Variants in LHX5 observed in about 807,000 individuals in gnomAD.
LHX5 encodes the protein LIM homeobox 5.
A neutral mutation model predicts 30.6 loss-of-function variants in LHX5; 5 were observed. That is an observed-to-expected ratio of 0.16 (90% CI 0.09 to 0.34). LHX5 has a LOEUF of 0.34. Among genes scored for constraint, LHX5 ranks in the 10% least tolerant of loss-of-function variants. LHX5 has a pLI of 1.00. For synonymous variants in LHX5, 266 were observed against 252.6 expected, an observed-to-expected ratio of 1.05 and a Z score of -0.50; for missense variants, 458 against 570.6, an observed-to-expected ratio of 0.80 and a Z score of 2.01.
intron 1 of LHX5, 94 bp from the exon 2 acceptor site, chr12:113,469,439 G>C: frequency 1.8e-6 from 2 of 1,142,336 alleles, no homozygotes; most frequent in South Asian, 2.9e-5. Context: ...CTTCGGTGAA[G>C]TCCCCATTTC....
In LHX5 at chr12:113,462,366, G is replaced by GCAAT. The variant is rs936111554; in HGVS notation, c.*820_*823dup. 6 of 152,244 alleles carry GCAAT rather than the reference G, an allele frequency of 3.9e-5. No homozygotes were observed. Among genetic ancestry groups the GCAAT allele is most frequent in the African/African-American group, 1.4e-4 (6 of 41,460 alleles). 9.4% of individuals were successfully genotyped at this position (152,244 alleles called of 1,614,324 possible). On this transcript the variant is annotated 3_prime_UTR_variant, in exon 5 of 5. Coordinates refer to ENST00000261731, the MANE Select transcript of LHX5 (RefSeq NM_022363.3). ...AGGGTGGTCTGTGGGTCTGAGCCCA[G>GCAAT]CAATCCTGGCGCCCCACCCAGGGGG...
rs777616031 is a variant in LHX5, at chr12:113,468,295, G to A, written c.507C>T (p.Asn169=). 20 of 1,614,048 alleles carry A rather than the reference G, an allele frequency of 1.2e-5. No homozygotes were observed. The Admixed American group carries it at 1.3e-4, about 11-fold the overall frequency. ...TGCCCGAGTTCTGCTCCTCGTTCTC[G>A]TTGTTGGCCGTCTCCTTGTCCGACG... ...STSSDKETAN[N]ENEEQNSGTK... Residue 169 remains asparagine (N), a synonymous_variant, in exon 3 of 5, where the codon AAC becomes AAT. Transcript: ENST00000261731.
At position 113,469,371 on chromosome 12, in the gene LHX5, A is replaced by G. The variant is rs571724437; in HGVS notation, c.174-26T>C. 3.8e-6 allele frequency: 6 copies of G among 1,599,496 alleles called. No individual in the cohort carries two copies. The South Asian group carries it at 5.6e-5, about 15-fold the overall frequency. ...CTGTGGACACAATGTGCCTGTCACT[A>G]TGGGGTGGGACTGCATCCAGCCCTC... is the stretch of plus-strand genomic sequence containing the variant. On this transcript the variant is annotated intron_variant, in intron 1 of 4. Coordinates refer to ENST00000261731, the MANE Select transcript of LHX5 (RefSeq NM_022363.3).
In LHX5 at chr12:113,465,100, C is replaced by T. The variant is rs1958204525; in HGVS notation, c.842-1543G>A. ...AGGGGCGAATTCCTGATGCCCCCTG[C>T]CACCCTCTTCCCTCTCCAAACCCTG... On this transcript the variant is annotated intron_variant, in intron 4 of 4. Transcript: ENST00000261731. The surrounding 1 kb of genome is among the most constrained non-coding windows in gnomAD (Gnocchi z 6.7). Among the ~76,000 whole-genome samples the T allele has an allele frequency of 6.6e-6, 1 of 152,236 alleles. No homozygotes were observed. Among genetic ancestry groups the T allele is most frequent in the South Asian group, 2.1e-4 (1 of 4,836 alleles).
chr12:113,467,446 AC>A lies in LHX5; in HGVS notation c.676-26del, dbSNP rs1178381702. Reference sequence around the variant, plus strand: ...CCTGGGACAGAGGAGGGGGCTGTGAACCCAGGATCAGGAGTGTCCTCTCCCC... The same window carrying A: ...CCTGGGACAGAGGAGGGGGCTGTGAACCAGGATCAGGAGTGTCCTCTCCCC... On this transcript the variant is annotated intron_variant, in intron 3 of 4. Coordinates refer to ENST00000261731, the MANE Select transcript of LHX5 (RefSeq NM_022363.3). The surrounding 1 kb of genome is among the most constrained non-coding windows in gnomAD (Gnocchi z 6.3). The A allele has an allele frequency of 1.3e-6, 2 of 1,482,294 alleles. No individual in the cohort carries two copies. Among genetic ancestry groups the A allele is most frequent in the South Asian group, 2.8e-5 (2 of 72,448 alleles). 91.8% of individuals were successfully genotyped at this position (1,482,294 alleles called of 1,614,324 possible).
chr12:113,468,002 C>T, intron 3 of LHX5, 125 bp downstream of exon 3: 1 of 1,329,096 alleles, frequency 7.5e-7, no homozygotes, highest in Non-Finnish European at 1.0e-6. Context: ...CACTCGGGCG[C>T]ACGGTCTGCT....
rs758472037 is a variant in LHX5 at position 113,463,567 on chromosome 12, G to A, written c.842-10C>T. ...TAGTCGCCTTGGTAGTCTGCGGAGG[G>A]GGAGCGGGAAGGAGACAGGGCGCGG... On this transcript the variant is annotated splice_polypyrimidine_tract_variant and intron_variant, in intron 4 of 4. Transcript: ENST00000261731. The surrounding 1 kb of genome is among the most constrained non-coding windows in gnomAD (Gnocchi z 6.7). 30 of 1,517,040 alleles carry A rather than the reference G, an allele frequency of 2.0e-5. No homozygotes were observed. Among genetic ancestry groups the A allele is most frequent in the Non-Finnish European group, 2.5e-5 (29 of 1,139,308 alleles). 94.0% of individuals were successfully genotyped at this position (1,517,040 alleles called of 1,614,324 possible).
chr12:113,469,410 C>T (rs903386637), intron 1 of LHX5, 65 bp from the exon 2 acceptor site: 5 of 1,457,344 alleles, frequency 3.4e-6, no homozygotes, highest in Non-Finnish European at 4.7e-6. Context: ...AGCCCCTGAC[C>T]TCTTCCCACC....
rs1044280448 is a variant in LHX5, at chr12:113,466,623, G to A, written c.841+633C>T. On this transcript the variant is annotated intron_variant, in intron 4 of 4. Transcript: ENST00000261731. This position sits in a 1 kb window ranked among gnomAD's most constrained non-coding sequence, Gnocchi z 6.5. The stretch of plus-strand genomic sequence containing the variant: ...GCCCAGAGCAACTGCCGGCATTTGG[G>A]CTAACACTGCCAGATGCTGTGCGCA... Among the ~76,000 whole-genome samples the A allele has an allele frequency of 6.6e-6, 1 of 152,208 alleles. No individual in the cohort carries two copies. The highest frequency in any genetic ancestry group is 1.9e-4 in the East Asian group (1 of 5,196).
chr12:113,463,539 T>C lies in LHX5; in HGVS notation c.860A>G (p.Tyr287Cys). Residue 287 changes from tyrosine (Y) to cysteine (C), a missense_variant, in exon 5 of 5, where the codon TAC (tyrosine) becomes TGC (cysteine). By Grantham distance (194) the Tyr-to-Cys change is radical. Transcript: ENST00000261731. This position sits in a 1 kb window ranked among gnomAD's most constrained non-coding sequence, Gnocchi z 6.7. ...TYYGDYQGDY[Y>C]APGSNYDFFA... ...GAAGTCGTAGTTGCTTCCCGGCGCG[T>C]AGTAGTCGCCTTGGTAGTCTGCGGA... The C allele has an allele frequency of 1.3e-6, 2 of 1,552,210 alleles. No homozygotes were observed. Among genetic ancestry groups the C allele is most frequent in the Non-Finnish European group, 1.7e-6 (2 of 1,157,274 alleles).
intron 1 of LHX5, among the ~76,000 whole-genome samples, chr12:113,469,904 T>A (rs1332165838): frequency 6.6e-6 from 1 of 152,184 alleles, no homozygotes; most frequent in African/African-American, 2.4e-5. Context: ...CCAGTACCAA[T>A]GGAGAGGCTT....
intron 2 of LHX5, among the ~76,000 whole-genome samples, chr12:113,468,915 C>A (rs1041897391): frequency 2.0e-5 from 3 of 152,208 alleles, no homozygotes; most frequent in African/African-American, 7.2e-5. Context: ...GCAGAGCTGG[C>A]AGGTCTCAGA....
Position 113,463,401 on chromosome 12 carries a change from G to A in LHX5, c.998C>T (p.Pro333Leu), listed in dbSNP as rs748582055. 4 of 1,555,638 alleles carry A rather than the reference G, an allele frequency of 2.6e-6. No individual in the cohort carries two copies. Among genetic ancestry groups the A allele is most frequent in the East Asian group, 2.4e-5 (1 of 41,072 alleles). ...GAACCTGGGGTTGTCCGCGGCGTGC[G>A]GGCCGGCGAGCGGCGGTTCCAGCGC... is the stretch of plus-strand genomic sequence containing the variant. The part of the protein sequence containing the change: ...LGALEPPLAG[P>L]HAADNPRFTD... Residue 333 changes from proline to leucine, a missense_variant, in exon 5 of 5, where the codon CCG becomes CTG. Transcript: ENST00000261731. This position sits in a 1 kb window ranked among gnomAD's most constrained non-coding sequence, Gnocchi z 6.7.
chr12:113,468,484 C>G (rs1958228147), intron 2 of LHX5, 80 bp from the exon 3 acceptor site: 1 of 1,472,314 alleles, frequency 6.8e-7, no homozygotes, highest in Admixed American at 2.2e-5. Flanking sequence ...CGGGTTCCCG[C>G]CGGCCCAAGC....
In LHX5 at chr12:113,471,397, C is replaced by A; in HGVS notation, c.102G>T (p.Glu34Asp). ...ACTTCTCCGAGAGGTTGGTTTTGCA[C>A]TCGCAGCACTGAACACATTTGATGT... is the stretch of plus-strand genomic sequence containing the variant. ...AWHIKCVQCC[E>D]CKTNLSEKCF... Residue 34 changes from glutamate (E) to aspartate (D), a missense_variant, in exon 1 of 5, where the codon GAG (glutamate) becomes GAT (aspartate). This residue lies in a region of LHX5 where 178 missense variants were observed against 238.5 expected (regional missense o/e 0.75). Transcript: ENST00000261731. The A allele has an allele frequency of 6.2e-7, 1 of 1,613,996 alleles. No individual in the cohort carries two copies. Among genetic ancestry groups the A allele is most frequent in the East Asian group, 2.2e-5 (1 of 44,874 alleles).
At chr12:113,469,893 T>A (rs1459031448) in intron 1 of LHX5, among the ~76,000 whole-genome samples, 1 of 152,192 alleles carries the variant, frequency 6.6e-6, no homozygotes, top group African/African-American at 2.4e-5. Flanking sequence ...TCCACTGATT[T>A]CCAGTACCAA....
rs1958252531 is a variant in LHX5 at position 113,471,597 on chromosome 12, G to A, written c.-99C>T. 6.0e-6 allele frequency: 7 copies of A among 1,163,430 alleles called. No individual in the cohort carries two copies. Among genetic ancestry groups the A allele is most frequent in the African/African-American group, 1.5e-5 (1 of 64,660 alleles). 72.1% of individuals were successfully genotyped at this position (1,163,430 alleles called of 1,614,324 possible). A position where few individuals can be genotyped will look rare whatever the true frequency, so the allele number is the denominator to read the frequency against. ...CCGCTGCCCTTCGCCTCTTGTCTCA[G>A]CAGCTGCAGGGCGAGTCTGGTCCGG... On this transcript the variant is annotated 5_prime_UTR_variant, in exon 1 of 5. Coordinates refer to ENST00000261731, the MANE Select transcript of LHX5 (RefSeq NM_022363.3).
At position 113,467,796 on chromosome 12, in the gene LHX5, T is replaced by A. The variant is rs1362431625; in HGVS notation, c.675+331A>T. ...CTTCGGCGCAGGGAGGGAGGGGGCA[T>A]CGCCTGTTTCTCTGCTCGAAAGGTG... On this transcript the variant is annotated intron_variant, in intron 3 of 4. Transcript: ENST00000261731. This position sits in a 1 kb window ranked among gnomAD's most constrained non-coding sequence, Gnocchi z 6.3. Among the ~76,000 whole-genome samples the A allele has an allele frequency of 2.6e-5, 4 of 152,174 alleles. No individual in the cohort carries two copies. Among genetic ancestry groups the A allele is most frequent in the African/African-American group, 9.6e-5 (4 of 41,458 alleles).
chr12:113,463,590 C>A lies in LHX5; in HGVS notation c.842-33G>T. ...GGGGGAGCGGGAAGGAGACAGGGCGCGGTGAGAGAAGGCGAAGTAGGCGGG... is the reference window on the plus strand; with the variant it reads ...GGGGGAGCGGGAAGGAGACAGGGCGAGGTGAGAGAAGGCGAAGTAGGCGGG... On this transcript the variant is annotated intron_variant, in intron 4 of 4. Transcript: ENST00000261731. This position sits in a 1 kb window ranked among gnomAD's most constrained non-coding sequence, Gnocchi z 6.7. The A allele has an allele frequency of 6.7e-7, 1 of 1,483,100 alleles. No homozygotes were observed. 91.9% of individuals were successfully genotyped at this position (1,483,100 alleles called of 1,614,324 possible).
Sources: gnomAD v4.1 joint callset for allele counts (sites outside exome capture counted in the v4.1 genomes callset) on GRCh38, gnomAD v4.1.1 for gene constraint, gnomAD v4.1.1 regional missense constraint, Gnocchi (gnomAD v3.1) non-coding constraint, MANE v1.5 for transcripts, NCBI Gene and HGNC (gene_info 2026-07-23, HGNC 2026-07-21) for gene names.